Variants in EDIL3 observed in about 807,000 individuals in gnomAD.
EDIL3 encodes the protein EGF-like repeat and discoidin I-like domain-containing protein 3.
Under a neutral mutation model 67.4 loss-of-function variants are expected in EDIL3, and 37 were observed. That is an observed-to-expected ratio of 0.55 (90% CI 0.42 to 0.72). EDIL3 has a LOEUF of 0.72. EDIL3 is among the 30% of genes least tolerant of loss of function. The pLI, the probability that EDIL3 is intolerant of heterozygous loss-of-function variation, is 0.00. For missense variants in EDIL3, 527 were observed against 586.3 expected (o/e 0.90, Z 1.04); for synonymous variants, 195 against 196.3 (o/e 0.99, Z 0.05).
intron 9 of EDIL3, among the ~76,000 whole-genome samples, chr5:83,971,622 T>A (rs1005412248): frequency 6.6e-6 from 1 of 152,016 alleles, no homozygotes; most frequent in Non-Finnish European, 1.5e-5. Context: ...TTTAGAAAAA[T>A]CCCTATTCTT....
At chr5:84,383,567 G>C (rs767526820) in intron 1 of EDIL3, among the ~76,000 whole-genome samples, 7 of 152,190 alleles carry the variant, frequency 4.6e-5, no homozygotes, top group African/African-American at 7.2e-5. Context: ...GGGGACGCGA[G>C]GGGTGGCTTG....
At chr5:84,093,977 A>C (rs1747215444) in intron 6 of EDIL3, among the ~76,000 whole-genome samples, 1 of 152,130 alleles carries the variant, frequency 6.6e-6, no homozygotes, top group Admixed American at 6.6e-5. Flanking sequence ...GCTTTTTAAA[A>C]ATACAGAGCA....
At position 84,065,417 on chromosome 5, in the gene EDIL3, G is replaced by A. The variant is rs187499423; in HGVS notation, c.808-573C>T. On this transcript the variant is annotated intron_variant, in intron 7 of 10. Coordinates refer to ENST00000296591, the MANE Select transcript of EDIL3 (RefSeq NM_005711.5). ...GCCTCTAAAATTCAAGTACTATAAT[G>A]TGTCATTGTAAATTCATTAAGGCTT... Among the ~76,000 whole-genome samples the A allele has an allele frequency of 2.0e-5, 3 of 152,140 alleles. No individual in the cohort carries two copies. In the East Asian group the frequency reaches 5.8e-4, roughly 29 times the overall value.
chr5:84,310,588 C>T (rs1250745097), intron 1 of EDIL3, among the ~76,000 whole-genome samples: 3 of 152,162 alleles, frequency 2.0e-5, no homozygotes, highest in Non-Finnish European at 1.5e-5. Context: ...CCATCTGGAG[C>T]GCTAATTCTA....
intron 1 of EDIL3, among the ~76,000 whole-genome samples, chr5:84,354,624 T>A (rs892291598): frequency 6.9e-6 from 1 of 145,342 alleles, no homozygotes; most frequent in East Asian, 2.0e-4. Flanking sequence ...GCCACTGCAC[T>A]CCAGCCTGGG....
At chr5:84,223,486 C>T (rs999504693) in intron 3 of EDIL3, among the ~76,000 whole-genome samples, 2 of 151,424 alleles carry the variant, frequency 1.3e-5, no homozygotes, top group Admixed American at 6.6e-5. Context: ...TGTGGATGAA[C>T]CCGGAGGAAT....
At chr5:84,335,725 T>C (rs903741876) in intron 1 of EDIL3, among the ~76,000 whole-genome samples, 1 of 152,052 alleles carries the variant, frequency 6.6e-6, no homozygotes, top group Non-Finnish European at 1.5e-5. Flanking sequence ...GAAGAAAAGG[T>C]AGAGGGGTTA....
At chr5:84,035,767 C>A (rs1746012122) in intron 9 of EDIL3, among the ~76,000 whole-genome samples, 2 of 152,146 alleles carry the variant, frequency 1.3e-5, no homozygotes. Flanking sequence ...AAGTCCTGAT[C>A]ATATTTTAGG....
At chr5:84,035,092 G>A (rs1428618934) in intron 9 of EDIL3, among the ~76,000 whole-genome samples, 1 of 151,856 alleles carries the variant, frequency 6.6e-6, no homozygotes, top group African/African-American at 2.4e-5. Flanking sequence ...ATACGACTTT[G>A]GGAATGATTA....
chr5:84,062,384 A>G (rs1746561171), intron 8 of EDIL3, among the ~76,000 whole-genome samples: 1 of 152,082 alleles, frequency 6.6e-6, no homozygotes, highest in Non-Finnish European at 1.5e-5. Context: ...ATACAAGGGA[A>G]GAGGAAAGAT....
chr5:84,213,853 G>A (rs1285600764), intron 3 of EDIL3, among the ~76,000 whole-genome samples: 3 of 152,150 alleles, frequency 2.0e-5, no homozygotes, highest in African/African-American at 7.2e-5. Flanking sequence ...ACTTGAAGAT[G>A]TCTGTGAGCT....
At chr5:84,059,118 A>C (rs1055278255) in intron 9 of EDIL3, among the ~76,000 whole-genome samples, 2 of 152,102 alleles carry the variant, frequency 1.3e-5, no homozygotes, top group African/African-American at 2.4e-5. Flanking sequence ...CTGAAAAAAG[A>C]AGCCTGATGT....
intron 9 of EDIL3, among the ~76,000 whole-genome samples, chr5:84,053,871 C>T (rs1746391393): frequency 6.6e-6 from 1 of 152,102 alleles, no homozygotes; most frequent in African/African-American, 2.4e-5. Context: ...CTGAATTCTA[C>T]CAGAGGTACA....
intron 1 of EDIL3, among the ~76,000 whole-genome samples, chr5:84,367,197 T>A (rs2112207804): frequency 6.6e-6 from 1 of 152,256 alleles, no homozygotes; most frequent in Admixed American, 6.5e-5. Flanking sequence ...CTTATACTCT[T>A]AAATATAATG....
chr5:84,075,973 A>T (rs994419430), intron 6 of EDIL3, among the ~76,000 whole-genome samples: 2 of 148,542 alleles, frequency 1.3e-5, no homozygotes, highest in African/African-American at 4.9e-5. Context: ...ATATATAAAT[A>T]TTTATCATAT....
Position 84,194,226 on chromosome 5 carries a change from C to A in EDIL3, c.227-13705G>T, listed in dbSNP as rs1743652573. ...ATTTACCTAGCATCTTTTTGGTCAT[C>A]TTGTTTTGTTTTTCATGATCTGTCT... is the stretch of plus-strand genomic sequence containing the variant. On this transcript the variant is annotated intron_variant, in intron 3 of 10. Coordinates refer to ENST00000296591, the MANE Select transcript of EDIL3 (RefSeq NM_005711.5). Among the ~76,000 whole-genome samples the A allele has an allele frequency of 2.0e-5, 3 of 151,796 alleles. No homozygotes were observed. In the South Asian group the frequency reaches 6.2e-4, roughly 31 times the overall value.
chr5:84,208,155 G>A lies in EDIL3; in HGVS notation c.226+21700C>T, dbSNP rs1341441577. 3.9e-5 allele frequency among the ~76,000 whole-genome samples: 6 copies of A among 152,018 alleles called. No individual in the cohort carries two copies. The South Asian group carries it at 6.2e-4, about 16-fold the overall frequency. On this transcript the variant is annotated intron_variant, in intron 3 of 10. Transcript: ENST00000296591. Reference sequence around the variant, plus strand: ...ATTTTCGCAACCTACTCATCTGACAGAGGGCTAATATCCAGAATCTACAAT... The same window carrying A: ...ATTTTCGCAACCTACTCATCTGACAAAGGGCTAATATCCAGAATCTACAAT...
At chr5:84,307,556 T>G (rs1746296916) in intron 1 of EDIL3, among the ~76,000 whole-genome samples, 2 of 152,186 alleles carry the variant, frequency 1.3e-5, no homozygotes, top group African/African-American at 4.8e-5. Context: ...AAATTACATT[T>G]GAAACATTGC....
At chr5:84,160,508 C>G (rs537836093) in intron 4 of EDIL3, among the ~76,000 whole-genome samples, 6 of 152,080 alleles carry the variant, frequency 3.9e-5, no homozygotes, top group Non-Finnish European at 8.8e-5. Context: ...ATATTAACGA[C>G]ATTAAAACAT....
Sources: allele counts gnomAD v4.1 joint callset (sites outside exome capture counted in the v4.1 genomes callset), GRCh38; gene constraint gnomAD v4.1.1; transcripts MANE v1.5; gene names NCBI Gene and HGNC (gene_info 2026-07-23, HGNC 2026-07-21).